DCLK1: variants seen among roughly 807,000 people sequenced by gnomAD.
The protein encoded by DCLK1 is doublecortin like kinase 1.
Under a neutral mutation model 86.2 loss-of-function variants are expected in DCLK1, and 16 were observed. The ratio of observed to expected loss-of-function variants is 0.19; its 90% CI spans 0.13 to 0.28. The LOEUF (loss-of-function observed/expected upper bound fraction) is 0.28, where lower values mean the gene tolerates loss of function less well. Ranked by LOEUF, DCLK1 falls within the 10% of genes least tolerant of loss-of-function variation. The pLI is 1.00. For missense variants in DCLK1, 590 were observed against 940.2 expected (o/e 0.63, Z 4.87); for synonymous variants, 369 against 370.5 (o/e 1.00, Z 0.05).
intron 4 of DCLK1, among the ~76,000 whole-genome samples, chr13:35,919,816 A>G (rs1875684203): frequency 1.3e-5 from 2 of 149,740 alleles, no homozygotes; most frequent in Non-Finnish European, 3.0e-5. Context: ...ATTTTTTTTC[A>G]TTAAAAAAAA....
At chr13:35,877,285 G>C (rs1043733703) in intron 4 of DCLK1, among the ~76,000 whole-genome samples, 2 of 152,158 alleles carry the variant, frequency 1.3e-5, no homozygotes, top group Non-Finnish European at 2.9e-5. Context: ...CCACATTCCC[G>C]GTGGCAGGAG....
chr13:36,017,283 C>T (rs1881574891), intron 3 of DCLK1, among the ~76,000 whole-genome samples: 1 of 152,100 alleles, frequency 6.6e-6, no homozygotes, highest in Admixed American at 6.5e-5. Flanking sequence ...TGATCATATC[C>T]TTAAATAACT....
chr13:35,825,630 C>T (rs2087502522), intron 10 of DCLK1, among the ~76,000 whole-genome samples: 1 of 152,068 alleles, frequency 6.6e-6, no homozygotes. Context: ...CAAATTCTAA[C>T]AGCACATAGA....
intron 2 of DCLK1, 95 bp from the exon 3 acceptor site, chr13:36,112,310 A>G: frequency 1.1e-6 from 1 of 934,068 alleles, no homozygotes; most frequent in Non-Finnish European, 1.5e-6. Context: ...GCTTAGGGGC[A>G]AGAGCTAGCC....
At chr13:35,826,501 C>A in intron 10 of DCLK1, among the ~76,000 whole-genome samples, 1 of 96,532 alleles carries the variant, frequency 1.0e-5, no homozygotes, top group South Asian at 3.9e-4. Context: ...CCAGCCTGGG[C>A]AGCAAGAGCA....
At chr13:36,115,739 G>GT (rs143718095) in intron 2 of DCLK1, among the ~76,000 whole-genome samples, 4,984 of 151,498 alleles carry the variant, frequency 0.033, 79 homozygotes, top group South Asian at 0.091. Context: ...GAAAATGACA[G>GT]TTTTTTTAAA....
chr13:35,878,004 T>C (rs2185868), intron 4 of DCLK1, among the ~76,000 whole-genome samples: 21,541 of 152,076 alleles, frequency 0.14, 1,655 homozygotes, highest in South Asian at 0.19. Context: ...CTGTCAATGG[T>C]TAATGAGTCA....
At chr13:35,946,571 T>C (rs568829353) in intron 4 of DCLK1, among the ~76,000 whole-genome samples, 1 of 152,292 alleles carries the variant, frequency 6.6e-6, no homozygotes, top group East Asian at 1.9e-4. Flanking sequence ...AAAAATTCAT[T>C]ATCATTTCAA....
intron 3 of DCLK1, among the ~76,000 whole-genome samples, chr13:35,977,587 G>A (rs553156255): frequency 1.3e-5 from 2 of 149,598 alleles, no homozygotes; most frequent in Non-Finnish European, 3.0e-5. Flanking sequence ...TGGGTCTAAT[G>A]GGCTATTTTT....
rs1463474045 is a variant in DCLK1, at chr13:35,931,191, T to TA, written c.823+16166dup. On this transcript the variant is annotated intron_variant, in intron 4 of 16. Coordinates refer to ENST00000360631, the MANE Select transcript of DCLK1 (RefSeq NM_001330071.2). Reference sequence around the variant, plus strand: ...GTTGGTCTTTGGCTAGGCAGGCCTCTAGCAGCGTAACTCAGTTGGGAAAAA... The same window carrying TA: ...GTTGGTCTTTGGCTAGGCAGGCCTCTAAGCAGCGTAACTCAGTTGGGAAAAA... Among the ~76,000 whole-genome samples the TA allele has an allele frequency of 2.0e-5, 3 of 152,272 alleles. No individual in the cohort carries two copies. The East Asian group carries it at 5.8e-4, about 29-fold the overall frequency.
At chr13:35,970,643 GCCATC>G (rs1026134116) in intron 3 of DCLK1, among the ~76,000 whole-genome samples, 5 of 152,098 alleles carry the variant, frequency 3.3e-5, no homozygotes, top group Non-Finnish European at 7.4e-5. Flanking sequence ...CCTTTAAGGT[GCCATC>G]CTGGGAGTGG....
At chr13:36,020,689 G>A (rs1377187859) in intron 3 of DCLK1, among the ~76,000 whole-genome samples, 1 of 152,206 alleles carries the variant, frequency 6.6e-6, no homozygotes, top group Non-Finnish European at 1.5e-5. Context: ...TGTTGGAAAC[G>A]GTGGTGACCA....
intron 3 of DCLK1, among the ~76,000 whole-genome samples, chr13:35,983,981 A>G (rs999616340): frequency 6.6e-6 from 1 of 152,120 alleles, no homozygotes; most frequent in Non-Finnish European, 1.5e-5. Flanking sequence ...ACTATGGGGA[A>G]ACTGCTCAAC....
At chr13:36,079,537 C>T (rs1474165485) in intron 3 of DCLK1, among the ~76,000 whole-genome samples, 1 of 152,032 alleles carries the variant, frequency 6.6e-6, no homozygotes, top group Non-Finnish European at 1.5e-5. Flanking sequence ...GAGGCTGAGG[C>T]AGGAGAATTG....
intron 2 of DCLK1, among the ~76,000 whole-genome samples, chr13:36,122,916 A>G (rs1346305898): frequency 1.3e-5 from 2 of 152,194 alleles, no homozygotes; most frequent in African/African-American, 2.4e-5. Context: ...ACATGCTTAA[A>G]CCACACTTAG....
intron 11 of DCLK1, among the ~76,000 whole-genome samples, chr13:35,813,321 T>C (rs1593616954): frequency 6.6e-6 from 1 of 151,616 alleles, no homozygotes; most frequent in African/African-American, 2.4e-5. Flanking sequence ...TTAAACACAG[T>C]ATCTACACCA....
chr13:35,924,118 G>A (rs1875961366), intron 4 of DCLK1, among the ~76,000 whole-genome samples: 1 of 152,082 alleles, frequency 6.6e-6, no homozygotes, highest in African/African-American at 2.4e-5. Flanking sequence ...TTTCCAACCT[G>A]TCCATGACTT....
chr13:35,922,592 C>A (rs913891947), intron 4 of DCLK1, among the ~76,000 whole-genome samples: 1 of 152,154 alleles, frequency 6.6e-6, no homozygotes, highest in African/African-American at 2.4e-5. Context: ...AAAAGCACTG[C>A]GCAAACTGCA....
Position 35,947,254 on chromosome 13 carries a change from A to G in DCLK1, c.823+104T>C, listed in dbSNP as rs1877435629. The G allele has an allele frequency of 3.1e-5, 24 of 780,730 alleles. 1 individual carries two copies. The South Asian group carries it at 4.0e-4, about 13-fold the overall frequency. The allele number at this position is 780,730 out of a possible 1,614,324, so 48.4% of individuals were successfully genotyped here. On this transcript the variant is annotated intron_variant, in intron 4 of 16. Coordinates refer to ENST00000360631, the MANE Select transcript of DCLK1 (RefSeq NM_001330071.2). ...AAAGACACGCTGGGTGAGGATCTGA[A>G]ACTGATTTGGTAGCTTTGGAGTTGA...
Sources: allele counts gnomAD v4.1 joint callset (sites outside exome capture counted in the v4.1 genomes callset), GRCh38; gene constraint gnomAD v4.1.1; transcripts MANE v1.5; gene names NCBI Gene and HGNC (gene_info 2026-07-23, HGNC 2026-07-21).